DYM: variants seen among roughly 807,000 people sequenced by gnomAD.
DYM encodes the protein dyggve-Melchior-Clausen syndrome protein.
DYM carries 78 observed loss-of-function variants against 93.1 expected under a neutral mutation model. The observed-to-expected ratio is 0.84, with a 90% CI of 0.70 to 1.01. The LOEUF (loss-of-function observed/expected upper bound fraction) is 1.01. Ranked by LOEUF, DYM falls within the 50% of genes least tolerant of loss-of-function variation. DYM has a pLI of 0.00. For missense variants in DYM, 789 were observed against 845.0 expected, an observed-to-expected ratio of 0.93 and a Z score of 0.82; for synonymous variants, 321 against 319.7, an observed-to-expected ratio of 1.00 and a Z score of -0.04.
intron 6 of DYM, among the ~76,000 whole-genome samples, chr18:49,337,279 C>G (rs1024938656): frequency 3.9e-5 from 6 of 152,112 alleles, no homozygotes; most frequent in Non-Finnish European, 8.8e-5. Flanking sequence ...TACAGCTGTC[C>G]TCTGTTGATT....
At chr18:49,124,324 C>A (rs1458377985) in intron 15 of DYM, among the ~76,000 whole-genome samples, 1 of 151,858 alleles carries the variant, frequency 6.6e-6, no homozygotes, top group African/African-American at 2.4e-5. Flanking sequence ...GGCAACTGAG[C>A]AAGACCCCAT....
intron 15 of DYM, among the ~76,000 whole-genome samples, chr18:49,128,570 T>C (rs2083058367): frequency 6.6e-6 from 1 of 152,196 alleles, no homozygotes; most frequent in Non-Finnish European, 1.5e-5. Context: ...TGACCTTTGC[T>C]ACATCACCTG....
chr18:49,097,706 A>C (rs2079686175), intron 16 of DYM, among the ~76,000 whole-genome samples, 191 bp from the exon 17 acceptor site: 1 of 152,180 alleles, frequency 6.6e-6, no homozygotes, highest in African/African-American at 2.4e-5. Flanking sequence ...CAACCCCTCA[A>C]TATCCAGGGC....
intron 4 of DYM, 122 bp downstream of exon 4, chr18:49,379,540 TTAA>T (rs1466401722): frequency 9.3e-6 from 8 of 858,188 alleles, no homozygotes; most frequent in Non-Finnish European, 1.3e-5. Context: ...CCTTTTTTTC[TTAA>T]TAATGAGAAT....
intron 17 of DYM, among the ~76,000 whole-genome samples, chr18:49,067,410 G>A (rs1273223141): frequency 7.3e-5 from 11 of 150,624 alleles, no homozygotes; most frequent in East Asian, 2.0e-4. Context: ...TGATGTGAGT[G>A]TTATGGAGGT....
chr18:49,224,972 T>A (rs945230887), intron 13 of DYM, among the ~76,000 whole-genome samples: 5 of 152,054 alleles, frequency 3.3e-5, no homozygotes, highest in African/African-American at 1.2e-4. Context: ...TGGTTACCAG[T>A]GTCAAATACA....
intron 10 of DYM, among the ~76,000 whole-genome samples, chr18:49,280,363 C>T (rs2094939787): frequency 1.3e-5 from 2 of 152,134 alleles, no homozygotes; most frequent in South Asian, 4.1e-4. Flanking sequence ...GTCCTAAAGC[C>T]TAAGCCTGCC....
In DYM at chr18:49,440,362, TATATA is replaced by T. The variant is rs1433122121; in HGVS notation, c.-53-9920_-53-9916del. ...ATATGATATATAATATAGTATATGA[TATATA>T]ATATAGCATATTATATATGATATAT... On this transcript the variant is annotated intron_variant, in intron 1 of 17. Coordinates refer to ENST00000675505, the MANE Select transcript of DYM (RefSeq NM_001353214.3). Among the ~76,000 whole-genome samples the T allele has an allele frequency of 1.5e-5, 2 of 131,846 alleles. 1 individual carries two copies. Among genetic ancestry groups the T allele is most frequent in the Admixed American group, 1.7e-4 (2 of 11,506 alleles). The allele number at this position is 131,846 out of a possible 152,430, so 86.5% of individuals were successfully genotyped here. A position where few individuals can be genotyped will look rare whatever the true frequency, so the allele number is the denominator to read the frequency against.
At position 49,097,299 on chromosome 18, in the gene DYM, G is replaced by T. The variant is rs1438564005; in HGVS notation, c.2025+103C>A. The stretch of plus-strand genomic sequence containing the variant: ...GTTCTGAGGAGCCCTTCTAGTCTAT[G>T]TACTGGATAAGCAGCATGATTCTGG... On this transcript the variant is annotated intron_variant, in intron 17 of 17. Transcript: ENST00000675505. 9.7e-6 allele frequency: 10 copies of T among 1,032,448 alleles called. No homozygotes were observed. In the Middle Eastern group the frequency reaches 8.3e-4, roughly 86 times the overall value. The allele number at this position is 1,032,448 out of a possible 1,614,324, so 64.0% of individuals were successfully genotyped here. A position where few individuals can be genotyped will look rare whatever the true frequency, so the allele number is the denominator to read the frequency against.
intron 11 of DYM, among the ~76,000 whole-genome samples, chr18:49,259,388 G>A (rs1385740646): frequency 6.6e-6 from 1 of 152,168 alleles, no homozygotes; most frequent in East Asian, 1.9e-4. Flanking sequence ...GACAGAACAC[G>A]TTAAATACCG....
intron 2 of DYM, among the ~76,000 whole-genome samples, chr18:49,428,543 T>G (rs12608124): frequency 0.091 from 13,888 of 152,086 alleles, 853 homozygotes; most frequent in East Asian, 0.31. Context: ...AAATTAGCCA[T>G]GCATGAAGGC....
At chr18:49,200,930 A>G (rs959236508) in intron 14 of DYM, among the ~76,000 whole-genome samples, 12 of 152,296 alleles carry the variant, frequency 7.9e-5, no homozygotes, top group African/African-American at 2.9e-4. Flanking sequence ...AATAATCACC[A>G]TGTTGTGAAA....
intron 17 of DYM, among the ~76,000 whole-genome samples, chr18:49,062,936 C>A (rs926032788): frequency 2.0e-5 from 3 of 152,142 alleles, no homozygotes; most frequent in African/African-American, 7.2e-5. Context: ...TGAGGCAATA[C>A]CCCTTAATCT....
At chr18:49,220,869 C>T (rs979487754) in intron 13 of DYM, among the ~76,000 whole-genome samples, 1 of 152,090 alleles carries the variant, frequency 6.6e-6, no homozygotes, top group African/African-American at 2.4e-5. Context: ...TCTAAAACAC[C>T]AAAAGCAATG....
chr18:49,241,681 G>A (rs2094014685), intron 13 of DYM, among the ~76,000 whole-genome samples: 1 of 152,198 alleles, frequency 6.6e-6, no homozygotes, highest in Non-Finnish European at 1.5e-5. Context: ...TCTGATAGAT[G>A]AAATGATGTC....
intron 15 of DYM, among the ~76,000 whole-genome samples, chr18:49,123,530 G>A (rs1472515358): frequency 6.6e-6 from 1 of 152,136 alleles, no homozygotes; most frequent in African/African-American, 2.4e-5. Flanking sequence ...TTCTAGCAGG[G>A]AATCTGGCAC....
intron 13 of DYM, 77 bp downstream of exon 13, chr18:49,256,931 TAA>T: frequency 8.0e-7 from 1 of 1,251,968 alleles, no homozygotes; most frequent in Non-Finnish European, 1.2e-6. Flanking sequence ...AGGTAACATT[TAA>T]AAAGGAACCA....
intron 9 of DYM, among the ~76,000 whole-genome samples, chr18:49,286,040 TTCTAA>T (rs1300302381): frequency 6.6e-6 from 1 of 152,144 alleles, no homozygotes; most frequent in African/African-American, 2.4e-5. Flanking sequence ...CTGATTTGTG[TTCTAA>T]TCTTTTTTTT....
chr18:49,318,797 C>CTTTT lies in DYM; in HGVS notation c.763+13063_763+13066dup, dbSNP rs932617888. On this transcript the variant is annotated intron_variant, in intron 8 of 17. Coordinates refer to ENST00000675505, the MANE Select transcript of DYM (RefSeq NM_001353214.3). ...TGAACAGGTAACATTATTTCTTTTT[C>CTTTT]TTTTTTTTTTTTTTTTTTTTTGAGA... 5.6e-4 allele frequency among the ~76,000 whole-genome samples: 64 copies of CTTTT among 114,342 alleles called. 1 individual carries two copies. Among genetic ancestry groups the CTTTT allele is most frequent in the East Asian group, 1.3e-3 (5 of 3,774 alleles). 75.0% of individuals were successfully genotyped at this position (114,342 alleles called of 152,430 possible).
Sources: gnomAD v4.1 joint callset for allele counts (sites outside exome capture counted in the v4.1 genomes callset) on GRCh38, gnomAD v4.1.1 for gene constraint, MANE v1.5 for transcripts, NCBI Gene and HGNC (gene_info 2026-07-23, HGNC 2026-07-21) for gene names.